PARD3: variants seen among roughly 807,000 people sequenced by gnomAD.
PARD3 encodes partitioning defective 3 homolog.
PARD3 carries 75 observed loss-of-function variants against 155.4 expected under a neutral mutation model. The ratio of observed to expected loss-of-function variants is 0.48; its 90% CI spans 0.40 to 0.58. PARD3 has a LOEUF of 0.58. PARD3 is among the 20% of genes least tolerant of loss of function. The pLI, the probability that PARD3 is intolerant of heterozygous loss-of-function variation, is 0.00. For missense variants in PARD3, 1,642 were observed against 1,721.7 expected, an observed-to-expected ratio of 0.95 and a Z score of 0.82; for synonymous variants, 576 against 610.5, an observed-to-expected ratio of 0.94 and a Z score of 0.83.
intron 11 of PARD3, among the ~76,000 whole-genome samples, chr10:34,373,920 T>G (rs1470344420): frequency 2.6e-5 from 4 of 152,042 alleles, no homozygotes; most frequent in African/African-American, 9.7e-5. Context: ...CACAAGAGAA[T>G]TTGGGCTATA....
chr10:34,750,626 T>A lies in PARD3; in HGVS notation c.121-54207A>T, dbSNP rs140986086. 7.3e-3 allele frequency among the ~76,000 whole-genome samples: 1,110 copies of A among 152,146 alleles called. 19 individuals are homozygous for A. The highest frequency in any genetic ancestry group is 0.025 in the African/African-American group (1,047 of 41,486). On this transcript the variant is annotated intron_variant, in intron 1 of 24. Transcript: ENST00000374788. ...AGCCTTATTTCTTCTCTGAACTAAT[T>A]AAGTTTTATAAATGTTAATGCATTT...
rs1391152056 is a variant in PARD3, at chr10:34,622,819, C to CTT, written c.222+73497_222+73498dup. Among the ~76,000 whole-genome samples, 792 of 129,632 alleles carry CTT rather than the reference C, an allele frequency of 6.1e-3. 8 individuals carry two copies. The highest frequency in any genetic ancestry group is 0.022 in the African/African-American group (764 of 34,864). 85.0% of individuals were successfully genotyped at this position (129,632 alleles called of 152,430 possible). On this transcript the variant is annotated intron_variant, in intron 2 of 24. Transcript: ENST00000374788. ...GACTTACATTGCCTGAGTTGGTTTT[C>CTT]TTTTTTTCTTTTTTTTTTTTTTTTT...
intron 2 of PARD3, among the ~76,000 whole-genome samples, chr10:34,682,937 T>C (rs568536401): frequency 3.3e-5 from 5 of 152,296 alleles, no homozygotes; most frequent in Non-Finnish European, 7.3e-5. Flanking sequence ...GAGCCTAATT[T>C]GACAATGGTG....
At chr10:34,552,898 T>C (rs1004719882) in intron 2 of PARD3, among the ~76,000 whole-genome samples, 4 of 152,174 alleles carry the variant, frequency 2.6e-5, no homozygotes, top group Non-Finnish European at 4.4e-5. Flanking sequence ...CATTTAAAAC[T>C]GTAATTACTT....
intron 2 of PARD3, among the ~76,000 whole-genome samples, chr10:34,631,955 T>A (rs138639336): frequency 6.6e-6 from 1 of 152,164 alleles, no homozygotes; most frequent in Admixed American, 6.5e-5. Flanking sequence ...AGTTGTCCAT[T>A]TTTAGGTCTC....
intron 1 of PARD3, among the ~76,000 whole-genome samples, chr10:34,797,163 A>T (rs1842357673): frequency 6.6e-6 from 1 of 152,156 alleles, no homozygotes; most frequent in African/African-American, 2.4e-5. Flanking sequence ...GGAGCTAAGT[A>T]AGTGGTTAAC....
chr10:34,120,122 T>C (rs1017516041), intron 23 of PARD3, among the ~76,000 whole-genome samples: 6 of 145,630 alleles, frequency 4.1e-5, no homozygotes, highest in Non-Finnish European at 7.5e-5. Flanking sequence ...GTTCAAGTGA[T>C]CCTCCCACCT....
chr10:34,729,367 C>A (rs1284849173), intron 1 of PARD3, among the ~76,000 whole-genome samples: 10 of 151,588 alleles, frequency 6.6e-5, no homozygotes, highest in African/African-American at 2.4e-4. Flanking sequence ...CCCGTCTCTA[C>A]TAAAAATACA....
At chr10:34,180,369 T>A (rs974391304) in intron 22 of PARD3, among the ~76,000 whole-genome samples, 3 of 152,096 alleles carry the variant, frequency 2.0e-5, no homozygotes, top group Non-Finnish European at 2.9e-5. Flanking sequence ...TTCCATTGAG[T>A]TGCAAACAAT....
At chr10:34,678,775 CA>C (rs1313778663) in intron 2 of PARD3, among the ~76,000 whole-genome samples, 4 of 151,602 alleles carry the variant, frequency 2.6e-5, no homozygotes. Flanking sequence ...GGAGTAAACA[CA>C]AAGAGTAAGC....
At chr10:34,425,077 C>T (rs755954373) in intron 5 of PARD3, among the ~76,000 whole-genome samples, 1 of 152,012 alleles carries the variant, frequency 6.6e-6, no homozygotes, top group Admixed American at 6.6e-5. Context: ...TTAATCATGA[C>T]CAAGACCACT....
chr10:34,240,274 A>G (rs374753028), intron 22 of PARD3, among the ~76,000 whole-genome samples: 32 of 152,354 alleles, frequency 2.1e-4, no homozygotes, highest in African/African-American at 7.2e-4. Context: ...GCACATTACT[A>G]AAGAGTTATG....
At chr10:34,513,565 G>C (rs944157053) in intron 3 of PARD3, among the ~76,000 whole-genome samples, 1 of 152,196 alleles carries the variant, frequency 6.6e-6, no homozygotes, top group Admixed American at 6.5e-5. Context: ...ACAGGTGTGA[G>C]CCACCGCACC....
intron 22 of PARD3, among the ~76,000 whole-genome samples, chr10:34,177,874 C>G (rs1325904874): frequency 6.6e-6 from 1 of 152,166 alleles, no homozygotes. Flanking sequence ...ACGTGTGTTT[C>G]TTTTCCCTGC....
Position 34,228,396 on chromosome 10 carries a change from A to G in PARD3, c.3419+41261T>C, listed in dbSNP as rs182796160. ...AACTTCCACGTGTACCCCCGAACCA[A>G]AACATAAAAGCTGGAAGAAAAATAA... On this transcript the variant is annotated intron_variant, in intron 22 of 24. Coordinates refer to ENST00000374788, the MANE Select transcript of PARD3 (RefSeq NM_001184785.2). Among the ~76,000 whole-genome samples the G allele has an allele frequency of 9.2e-5, 14 of 152,204 alleles. No individual in the cohort carries two copies. In the East Asian group the frequency reaches 2.7e-3, roughly 29 times the overall value.
intron 22 of PARD3, among the ~76,000 whole-genome samples, chr10:34,263,934 GT>G (rs1955160184): frequency 6.6e-6 from 1 of 152,180 alleles, no homozygotes; most frequent in South Asian, 2.1e-4. Context: ...ACAAAATATT[GT>G]GGAAATTATT....
chr10:34,652,551 T>C (rs1266031077), intron 2 of PARD3, among the ~76,000 whole-genome samples: 1 of 152,010 alleles, frequency 6.6e-6, no homozygotes, highest in Non-Finnish European at 1.5e-5. Context: ...TCCAAGACAG[T>C]CAATATTCTT....
intron 22 of PARD3, among the ~76,000 whole-genome samples, chr10:34,151,220 G>T (rs1948766965): frequency 6.6e-6 from 1 of 151,410 alleles, no homozygotes; most frequent in Non-Finnish European, 1.5e-5. Context: ...TTCTGTGCAG[G>T]ATTTAGAAGT....
chr10:34,291,964 G>C (rs1372142947), intron 20 of PARD3, among the ~76,000 whole-genome samples: 2 of 152,162 alleles, frequency 1.3e-5, no homozygotes, highest in African/African-American at 4.8e-5. Flanking sequence ...ACTTATCTCG[G>C]AAGGCCAGGG....
Sources: gnomAD v4.1 joint callset for allele counts (sites outside exome capture counted in the v4.1 genomes callset) on GRCh38, gnomAD v4.1.1 for gene constraint, MANE v1.5 for transcripts, NCBI Gene and HGNC (gene_info 2026-07-23, HGNC 2026-07-21) for gene names.